The following DSE variants were observed in gnomAD, a reference collection of about 807,000 sequenced individuals.
The protein encoded by DSE is dermatan-sulfate epimerase.
DSE carries 36 observed loss-of-function variants against 84.4 expected under a neutral mutation model. That is an observed-to-expected ratio of 0.43 (90% CI 0.33 to 0.56). DSE has a LOEUF of 0.56. Among genes scored for constraint, DSE ranks in the 20% least tolerant of loss-of-function variants. The pLI is 0.06. For synonymous variants in DSE, 410 were observed against 430.1 expected (o/e 0.95, Z 0.58); for missense variants, 862 against 1,169.6 (o/e 0.74, Z 3.84).
chr6:116,282,271 A>G (rs1039599498), intron 2 of DSE, among the ~76,000 whole-genome samples: 1 of 152,222 alleles, frequency 6.6e-6, no homozygotes, highest in African/African-American at 2.4e-5. Flanking sequence ...GACTGTTTCT[A>G]ATTGCCATGA....
intron 2 of DSE, among the ~76,000 whole-genome samples, chr6:116,309,072 GT>G (rs1775512278): frequency 6.6e-6 from 1 of 151,908 alleles, no homozygotes; most frequent in Non-Finnish European, 1.5e-5. Context: ...TTTACTAAAA[GT>G]TTTTATTTTG....
intron 2 of DSE, among the ~76,000 whole-genome samples, chr6:116,413,646 G>A (rs1361086447): frequency 6.6e-6 from 1 of 152,040 alleles, no homozygotes; most frequent in Non-Finnish European, 1.5e-5. Context: ...GTTTTAAAAA[G>A]GCCTCTGGAT....
chr6:116,301,751 CT>C (rs1432151714), intron 2 of DSE, among the ~76,000 whole-genome samples: 1 of 152,146 alleles, frequency 6.6e-6, no homozygotes, highest in Admixed American at 6.5e-5. Flanking sequence ...CCGTCATCTG[CT>C]TTAGGTATTT....
At chr6:116,354,111 C>A (rs1671572298) in intron 2 of DSE, among the ~76,000 whole-genome samples, 1 of 152,046 alleles carries the variant, frequency 6.6e-6, no homozygotes, top group Admixed American at 6.6e-5. Context: ...TATAGTCTTT[C>A]TCTTAAAGAA....
At chr6:116,389,738 A>C (rs933915137) in intron 1 of DSE, among the ~76,000 whole-genome samples, 13 of 152,198 alleles carry the variant, frequency 8.5e-5, no homozygotes, top group African/African-American at 2.7e-4. Flanking sequence ...TAATGCTACA[A>C]AAGTGTTTTC....
At chr6:116,258,182 A>ATT (rs112203736) in intron 1 of DSE, among the ~76,000 whole-genome samples, 1 of 144,698 alleles carries the variant, frequency 6.9e-6, no homozygotes, top group Non-Finnish European at 1.5e-5. Context: ...TGCCCGGCTA[A>ATT]TTTTTTTTTT....
intron 2 of DSE, chr6:116,279,618 G>A: frequency 1.2e-6 from 2 of 1,602,996 alleles, no homozygotes; most frequent in South Asian, 1.1e-5. Flanking sequence ...CGGCATCCTG[G>A]GGTACGCCCC....
At chr6:116,306,186 A>G (rs4401698) in intron 2 of DSE, among the ~76,000 whole-genome samples, 15 of 152,144 alleles carry the variant, frequency 9.9e-5, no homozygotes, top group Non-Finnish European at 1.9e-4. Flanking sequence ...AAAAACTACA[A>G]AGAAGTTCTT....
chr6:116,410,586 T>G (rs1347508920), intron 2 of DSE, among the ~76,000 whole-genome samples: 1 of 151,264 alleles, frequency 6.6e-6, no homozygotes, highest in Admixed American at 6.6e-5. Context: ...ACAAAAAAAT[T>G]AGCTGGGTGT....
intron 2 of DSE, among the ~76,000 whole-genome samples, chr6:116,322,645 T>A (rs1776397872): frequency 6.6e-6 from 1 of 151,978 alleles, no homozygotes; most frequent in Admixed American, 6.6e-5. Flanking sequence ...CTAAAATATA[T>A]CATTTCGTTG....
chr6:116,362,014 G>A (rs922891533), intron 2 of DSE, among the ~76,000 whole-genome samples: 2 of 151,996 alleles, frequency 1.3e-5, no homozygotes, highest in Non-Finnish European at 2.9e-5. Context: ...AATATATACC[G>A]TTTTAGACTG....
intron 2 of DSE, among the ~76,000 whole-genome samples, chr6:116,413,022 G>A (rs889544154): frequency 4.6e-5 from 7 of 151,984 alleles, no homozygotes; most frequent in Admixed American, 3.3e-4. Context: ...TTGCTGCGAC[G>A]GATGTGATTT....
At chr6:116,274,061 C>T (rs1773004490) in intron 2 of DSE, among the ~76,000 whole-genome samples, 2 of 151,638 alleles carry the variant, frequency 1.3e-5, no homozygotes, top group South Asian at 4.1e-4. Flanking sequence ...AACTCCTGAC[C>T]TCAGGTGATC....
chr6:116,439,702 T>C lies in DSE; in HGVS notation c.*2357T>C, dbSNP rs1784367609. On this transcript the variant is annotated 3_prime_UTR_variant, in exon 6 of 6. Coordinates refer to ENST00000644252, the MANE Select transcript of DSE (RefSeq NM_013352.4). Reference sequence around the variant, plus strand: ...TCAATGCTGCTCACTATGACAGGAATGTTTCAAGTTCATTTGATAATATGT... The same window carrying C: ...TCAATGCTGCTCACTATGACAGGAACGTTTCAAGTTCATTTGATAATATGT... 1 of 152,206 alleles carries C rather than the reference T, an allele frequency of 6.6e-6. No homozygotes were observed. Among genetic ancestry groups the C allele is most frequent in the Non-Finnish European group, 1.5e-5 (1 of 68,040 alleles). The allele number at this position is 152,206 out of a possible 1,614,324, so 9.4% of individuals were successfully genotyped here. A position where few individuals can be genotyped will look rare whatever the true frequency, so the allele number is the denominator to read the frequency against.
intron 1 of DSE, among the ~76,000 whole-genome samples, chr6:116,373,315 A>G (rs1000961395): frequency 1.3e-5 from 2 of 152,246 alleles, no homozygotes; most frequent in Non-Finnish European, 2.9e-5. Context: ...GTGAGCCGAG[A>G]TTGTGCCACT....
At chr6:116,254,955 C>G (rs1772084892) in intron 1 of DSE, 1 of 152,270 alleles carries the variant, frequency 6.6e-6, no homozygotes, top group African/African-American at 2.4e-5. Flanking sequence ...GAGCAATAAT[C>G]AGCTATGTGC....
chr6:116,387,430 T>A (rs999358394), intron 1 of DSE, among the ~76,000 whole-genome samples: 5 of 152,146 alleles, frequency 3.3e-5, no homozygotes, highest in African/African-American at 1.2e-4. Flanking sequence ...ATTGGAAGAA[T>A]TTAGTTTTAG....
At chr6:116,376,147 T>G (rs551461530) in intron 1 of DSE, among the ~76,000 whole-genome samples, 1 of 152,238 alleles carries the variant, frequency 6.6e-6, no homozygotes, top group Non-Finnish European at 1.5e-5. Flanking sequence ...CCTAGACTAA[T>G]GTAACTGGCT....
At chr6:116,419,108 C>T (rs1782911361) in intron 2 of DSE, among the ~76,000 whole-genome samples, 1 of 152,182 alleles carries the variant, frequency 6.6e-6, no homozygotes, top group Non-Finnish European at 1.5e-5. Flanking sequence ...TGAACATTCC[C>T]CTTGGACTGC....
Sources: gnomAD v4.1 joint callset for allele counts (sites outside exome capture counted in the v4.1 genomes callset) on GRCh38, gnomAD v4.1.1 for gene constraint, MANE v1.5 for transcripts, NCBI Gene and HGNC (gene_info 2026-07-23, HGNC 2026-07-21) for gene names.